The following CIRBP variants were observed in gnomAD, a reference collection of about 807,000 sequenced individuals.
CIRBP encodes the protein cold-inducible RNA-binding protein.
Under a neutral mutation model 22.3 loss-of-function variants are expected in CIRBP, and 11 were observed. The ratio of observed to expected loss-of-function variants is 0.49; its 90% CI spans 0.31 to 0.82. The LOEUF is 0.82. Among genes scored for constraint, CIRBP ranks in the 40% least tolerant of loss-of-function variants. CIRBP has a pLI of 0.05. For missense variants in CIRBP, 456 were observed against 402.7 expected (o/e 1.13, Z -1.13); for synonymous variants, 216 against 158.8 (o/e 1.36, Z -2.71).
Position 1,271,651 on chromosome 19 carries a change from C to T in CIRBP, c.431+19C>T, listed in dbSNP as rs765151779. On this transcript the variant is annotated intron_variant, in intron 5 of 5. Transcript: ENST00000587896. Reference sequence around the variant, plus strand: ...ATAGCAGGTGAGGGGGAGGCCGGCCCAAGCACAGGGGTGGTTGCGGGATGG... The same window carrying T: ...ATAGCAGGTGAGGGGGAGGCCGGCCTAAGCACAGGGGTGGTTGCGGGATGG... 1.4e-6 allele frequency: 2 copies of T among 1,444,786 alleles called. No homozygotes were observed. The highest frequency in any genetic ancestry group is 4.6e-5 in the East Asian group (2 of 43,834). 89.5% of individuals were successfully genotyped at this position (1,444,786 alleles called of 1,614,324 possible). A position where few individuals can be genotyped will look rare whatever the true frequency, so the allele number is the denominator to read the frequency against.
chr19:1,270,229 C>A lies in CIRBP; in HGVS notation c.-6-699C>A, dbSNP rs369068787. ...CAGGACGGGGCGGCCTCCCTGACAG[C>A]CAGCCCCCCCCCCAGTCTCAGGAGG... On this transcript the variant is annotated intron_variant, in intron 1 of 5. Coordinates refer to ENST00000587896, the MANE Select transcript of CIRBP (RefSeq NM_001300829.2). The A allele has an allele frequency of 4.9e-5, 15 of 308,208 alleles. 1 individual carries two copies. In the Admixed American group the frequency reaches 5.4e-4, roughly 11 times the overall value. The allele number at this position is 308,208 out of a possible 1,614,324, so 19.1% of individuals were successfully genotyped here. A position where few individuals can be genotyped will look rare whatever the true frequency, so the allele number is the denominator to read the frequency against.
intron 2 of CIRBP, 49 bp from the exon 3 acceptor site, chr19:1,271,091 C>A: frequency 6.2e-7 from 1 of 1,610,346 alleles, no homozygotes; most frequent in Non-Finnish European, 8.5e-7. Flanking sequence ...GCTCCTCCTA[C>A]CTGGAAGTAC....
intron 1 of CIRBP, among the ~76,000 whole-genome samples, 167 bp downstream of exon 1, chr19:1,269,577 C>T (rs1330035062): frequency 5.3e-5 from 8 of 151,558 alleles, no homozygotes; most frequent in Admixed American, 5.3e-4. Context: ...CGAGTAGCGG[C>T]CAGAGGGCCT....
chr19:1,274,076 TC>T lies in CIRBP; in HGVS notation c.*1634del. The T allele has an allele frequency of 2.6e-6, 1 of 380,410 alleles. No individual in the cohort carries two copies. Among genetic ancestry groups the T allele is most frequent in the Non-Finnish European group, 4.7e-6 (1 of 214,826 alleles). The allele number at this position is 380,410 out of a possible 1,614,324, so 23.6% of individuals were successfully genotyped here. ...TGTCTGTTGCCGCCATTAGTTTTTTTCTAGAGCCCACACTGGCCCACATAGC... is the reference window on the plus strand; with the variant it reads ...TGTCTGTTGCCGCCATTAGTTTTTTTTAGAGCCCACACTGGCCCACATAGC... On this transcript the variant is annotated 3_prime_UTR_variant, in exon 6 of 6. Coordinates refer to ENST00000587896, the MANE Select transcript of CIRBP (RefSeq NM_001300829.2).
rs1163859101 is a variant in CIRBP, at chr19:1,272,791, TGG to T, written c.*351_*352del. ...GGTTGCGTTGCCTTTTTTTTTTTAG[TGG>T]GGTTGGCCCCATGAAGTGGGTGCCC... On this transcript the variant is annotated 3_prime_UTR_variant, in exon 6 of 6. Coordinates refer to ENST00000587896, the MANE Select transcript of CIRBP (RefSeq NM_001300829.2). 5.2e-6 allele frequency: 1 copy of T among 193,666 alleles called. No homozygotes were observed. Among genetic ancestry groups the T allele is most frequent in the East Asian group, 1.4e-4 (1 of 7,208 alleles). The allele number at this position is 193,666 out of a possible 1,614,324, so 12.0% of individuals were successfully genotyped here.
In CIRBP at chr19:1,271,046, C is replaced by T. The variant is rs1451393534; in HGVS notation, c.103+10C>T. 5.0e-6 allele frequency: 8 copies of T among 1,613,170 alleles called. No individual in the cohort carries two copies. In the East Asian group the frequency reaches 6.7e-5, roughly 13 times the overall value. Reference sequence around the variant, plus strand: ...GGACAGATCTCTGAAGGTGAGGCTGCTGCTGGGCCCGCGGCCCTGGGCGGG... The same window carrying T: ...GGACAGATCTCTGAAGGTGAGGCTGTTGCTGGGCCCGCGGCCCTGGGCGGG... On this transcript the variant is annotated intron_variant, in intron 2 of 5. Transcript: ENST00000587896.
At position 1,270,983 on chromosome 19, in the gene CIRBP, C is replaced by G; in HGVS notation, c.50C>G (p.Thr17Ser). 1 of 1,614,044 alleles carries G rather than the reference C, an allele frequency of 6.2e-7. No homozygotes were observed. Among genetic ancestry groups the G allele is most frequent in the Non-Finnish European group, 8.5e-7 (1 of 1,180,010 alleles). ...KLFVGGLSFD[T>S]NEQSLEQVFS... ...TTTGTTGGAGGGCTGAGTTTTGACACCAATGAGCAGTCGCTGGAGCAGGTC... is the reference window on the plus strand; with the variant it reads ...TTTGTTGGAGGGCTGAGTTTTGACAGCAATGAGCAGTCGCTGGAGCAGGTC... The change falls in exon 2 of 6, where the codon ACC becomes AGC. Residue 17 changes from threonine to serine, a missense_variant. Physicochemically the swap from Thr to Ser is moderately conservative, Grantham distance 58. This residue lies in a region of CIRBP where 30 missense variants were observed against 63.1 expected (regional missense o/e 0.48). Coordinates refer to ENST00000587896, the MANE Select transcript of CIRBP (RefSeq NM_001300829.2).
rs982523346 is a variant in CIRBP, at chr19:1,272,704, G to A, written c.*261G>A. On this transcript the variant is annotated 3_prime_UTR_variant, in exon 6 of 6. Coordinates refer to ENST00000587896, the MANE Select transcript of CIRBP (RefSeq NM_001300829.2). The stretch of plus-strand genomic sequence containing the variant: ...GAAAAGCATTTACTTTTTTGACCAC[G>A]AGCCATGAGTTTTCAAAAAAATCGG... The A allele has an allele frequency of 4.3e-5, 15 of 348,960 alleles. No homozygotes were observed. The highest frequency in any genetic ancestry group is 1.3e-4 in the African/African-American group (6 of 47,272). 21.6% of individuals were successfully genotyped at this position (348,960 alleles called of 1,614,324 possible).
chr19:1,272,151 C>G lies in CIRBP; in HGVS notation c.602C>G (p.Pro201Arg). Reference sequence around the variant, plus strand: ...AGCACTTTAGGCTGGACACTCAGACCTTGTCACTGTGCTTGCCCAGAAGAG... The same window carrying G: ...AGCACTTTAGGCTGGACACTCAGACGTTGTCACTGTGCTTGCCCAGAAGAG... ...SPSTLGWTLR[P>R]CHCACPEEAH... The change falls in exon 6 of 6, where the codon CCT (proline) becomes CGT (arginine). Residue 201 changes from proline to arginine, a missense_variant. By Grantham distance (103) the Pro-to-Arg change is moderately radical (BLOSUM62 -2). This residue lies in a region of CIRBP where 426 missense variants were observed against 339.6 expected (regional missense o/e 1.25). Coordinates refer to ENST00000587896, the MANE Select transcript of CIRBP (RefSeq NM_001300829.2). The G allele has an allele frequency of 6.2e-7, 1 of 1,611,234 alleles. No individual in the cohort carries two copies. The highest frequency in any genetic ancestry group is 8.5e-7 in the Non-Finnish European group (1 of 1,179,140).
rs964394001 is a variant in CIRBP, at chr19:1,274,677, C to G, written c.*2234C>G. ...GCGCTTCGCCAGTGAGGTGCGGGCTCAGGGCCTCGAGTCTCTCCTGGAGCA... is the reference window on the plus strand; with the variant it reads ...GCGCTTCGCCAGTGAGGTGCGGGCTGAGGGCCTCGAGTCTCTCCTGGAGCA... On this transcript the variant is annotated 3_prime_UTR_variant, in exon 6 of 6. Coordinates refer to ENST00000587896, the MANE Select transcript of CIRBP (RefSeq NM_001300829.2). 5 of 195,814 alleles carry G rather than the reference C, an allele frequency of 2.6e-5. No homozygotes were observed. The highest frequency in any genetic ancestry group is 1.2e-4 in the African/African-American group (5 of 43,086). The allele number at this position is 195,814 out of a possible 1,614,324, so 12.1% of individuals were successfully genotyped here. A position where few individuals can be genotyped will look rare whatever the true frequency, so the allele number is the denominator to read the frequency against.
At chr19:1,269,999 T>C in intron 1 of CIRBP, 1 of 519,904 alleles carries the variant, frequency 1.9e-6, no homozygotes, top group Non-Finnish European at 3.8e-6. Context: ...CCAAGTCTAG[T>C]TCTCAGAGCC....
intron 1 of CIRBP, chr19:1,270,346 G>A: frequency 5.7e-6 from 2 of 353,966 alleles, no homozygotes; most frequent in Non-Finnish European, 1.1e-5. Flanking sequence ...GGAAATAGGA[G>A]AACCTGAGAG....
At position 1,272,241 on chromosome 19, in the gene CIRBP, A is replaced by C. The variant is rs1158110361; in HGVS notation, c.692A>C (p.Lys231Thr). 1 of 1,603,554 alleles carries C rather than the reference A, an allele frequency of 6.2e-7. No homozygotes were observed. The highest frequency in any genetic ancestry group is 2.2e-5 in the East Asian group (1 of 44,788). ...CAAAAGCCAAATGAGACTGACCAAAAAGGCAAGGGAGAGCGAGGGCCCGCT... is the reference window on the plus strand; with the variant it reads ...CAAAAGCCAAATGAGACTGACCAAACAGGCAAGGGAGAGCGAGGGCCCGCT... ...RTQKPNETDQ[K>T]GKGERGPAGQ... The change falls in exon 6 of 6, where the codon AAA becomes ACA. Residue 231 changes from lysine to threonine, a missense_variant. By Grantham distance (78) the Lys-to-Thr change is moderately conservative. This residue lies in a region of CIRBP where 426 missense variants were observed against 339.6 expected (regional missense o/e 1.25). Coordinates refer to ENST00000587896, the MANE Select transcript of CIRBP (RefSeq NM_001300829.2).
At chr19:1,274,861 G>A (rs1302351019), downstream of CIRBP, 1 of 152,626 alleles carries the variant, frequency 6.6e-6, no homozygotes, top group Non-Finnish European at 1.5e-5. Context: ...GCCACTGGAA[G>A]AAAAGCCTGC....
chr19:1,271,660 G>C (rs2081342943), intron 5 of CIRBP, 28 bp downstream of exon 5: 1 of 1,367,100 alleles, frequency 7.3e-7, no homozygotes. Context: ...CCAAGCACAG[G>C]GGTGGTTGCG....
In CIRBP at chr19:1,273,411, T is replaced by C. The variant is rs543498474; in HGVS notation, c.*968T>C. ...AGCCCTGGGAGGCTTCTGGCAGTGG[T>C]GGCCAGAGGGCTGGACTGTGCGGGC... On this transcript the variant is annotated 3_prime_UTR_variant, in exon 6 of 6. Transcript: ENST00000587896. 6.6e-6 allele frequency: 1 copy of C among 152,540 alleles called. No homozygotes were observed. Among genetic ancestry groups the C allele is most frequent in the Non-Finnish European group, 1.5e-5 (1 of 68,364 alleles). The allele number at this position is 152,540 out of a possible 1,614,324, so 9.4% of individuals were successfully genotyped here.
chr19:1,272,646 G>A lies in CIRBP; in HGVS notation c.*203G>A, dbSNP rs2081362469. ...ACTAGACTTTTCTTTTTAAGGAAGT[G>A]CTGTTTTTTTTTGAGGGTTTTCAAA... On this transcript the variant is annotated 3_prime_UTR_variant, in exon 6 of 6. Coordinates refer to ENST00000587896, the MANE Select transcript of CIRBP (RefSeq NM_001300829.2). The A allele has an allele frequency of 4.5e-6, 2 of 442,478 alleles. No individual in the cohort carries two copies. Among genetic ancestry groups the A allele is most frequent in the Non-Finnish European group, 8.1e-6 (2 of 247,602 alleles). The allele number at this position is 442,478 out of a possible 1,614,324, so 27.4% of individuals were successfully genotyped here. A position where few individuals can be genotyped will look rare whatever the true frequency, so the allele number is the denominator to read the frequency against.
intron 1 of CIRBP, chr19:1,269,767 A>G (rs970803057): frequency 2.2e-6 from 1 of 457,476 alleles, no homozygotes; most frequent in South Asian, 1.5e-5. Flanking sequence ...CCCGGTCTCC[A>G]GGGCCGCTTT....
rs1210759890 is a variant in CIRBP, at chr19:1,271,394, G to C, written c.276G>C (p.Gly92=). 3.7e-6 allele frequency: 6 copies of C among 1,613,898 alleles called. No individual in the cohort carries two copies. In the South Asian group the frequency reaches 6.6e-5, roughly 18 times the overall value. ...AGKSSDNRSR[G]YRGGSAGGRG... ...AGTCGTCAGACAACCGATCCCGTGG[G>C]TACCGTGGTGGCTCTGCCGGGGGCC... The change falls in exon 4 of 6, where the codon GGG becomes GGC. Residue 92 remains glycine (G), a synonymous_variant. Transcript: ENST00000587896.
Sources: gnomAD v4.1 joint callset for allele counts (sites outside exome capture counted in the v4.1 genomes callset) on GRCh38, gnomAD v4.1.1 for gene constraint, gnomAD v4.1.1 regional missense constraint, MANE v1.5 for transcripts, NCBI Gene and HGNC (gene_info 2026-07-23, HGNC 2026-07-21) for gene names.